Variants in SAMMSON observed in about 807,000 individuals in gnomAD.
SAMMSON encodes survival associated mitochondrial melanoma specific oncogenic non-coding RNA.
At chr3:70,039,076 A>T (rs2067096760) in intron 3 of SAMMSON, among the ~76,000 whole-genome samples, 1 of 152,154 alleles carries the variant, frequency 6.6e-6, no homozygotes, top group Non-Finnish European at 1.5e-5. Flanking sequence ...AGAAAGAAAC[A>T]GAACAGGAAA....
At chr3:70,040,186 T>A (rs2067101050) in intron 3 of SAMMSON, among the ~76,000 whole-genome samples, 1 of 152,074 alleles carries the variant, frequency 6.6e-6, no homozygotes, top group East Asian at 1.9e-4. Context: ...CTGAAAGATG[T>A]GTTGTGAAGA....
downstream of SAMMSON, among the ~76,000 whole-genome samples, chr3:70,390,555 G>C (rs1701036822): frequency 1.3e-5 from 2 of 152,054 alleles, no homozygotes; most frequent in South Asian, 2.1e-4. Flanking sequence ...GCAGGAGCAA[G>C]AGAGAAAGAG....
rs2067460533 is a variant in SAMMSON, at chr3:70,126,726, T to C, written n.507+55161T>C. 1.2e-5 allele frequency: 3 copies of C among 250,208 alleles called. No individual in the cohort carries two copies. The South Asian group carries it at 1.5e-4, about 12-fold the overall frequency. The allele number at this position is 250,208 out of a possible 1,614,324, so 15.5% of individuals were successfully genotyped here. A position where few individuals can be genotyped will look rare whatever the true frequency, so the allele number is the denominator to read the frequency against. On this transcript the variant is annotated intron_variant and non_coding_transcript_variant, in intron 4 of 9. Transcript: ENST00000642114. The stretch of plus-strand genomic sequence containing the variant: ...TTTTTGTTTTTGTTTTTGTTTTTTG[T>C]TTTTTTTGAGATGGAATCTTGCTCT...
chr3:70,241,195 T>A (rs6549302), intron 4 of SAMMSON, among the ~76,000 whole-genome samples: 150,475 of 152,258 alleles, frequency 0.99, 74,383 homozygotes, highest in East Asian at 1. Flanking sequence ...GCTAGAACGG[T>A]TCCTCATAAA....
At chr3:70,121,557 T>G (rs1361863143) in intron 4 of SAMMSON, among the ~76,000 whole-genome samples, 1 of 152,190 alleles carries the variant, frequency 6.6e-6, no homozygotes, top group Non-Finnish European at 1.5e-5. Context: ...AATAAAGACT[T>G]TCTTGGACTT....
At chr3:70,379,419 C>T (rs1302862130) in intron 9 of SAMMSON, among the ~76,000 whole-genome samples, 1 of 152,022 alleles carries the variant, frequency 6.6e-6, no homozygotes, top group Non-Finnish European at 1.5e-5. Flanking sequence ...TGAAAAGCAG[C>T]GCTCCTGGGA....
chr3:70,391,760 G>A (rs1179222283), downstream of SAMMSON, among the ~76,000 whole-genome samples: 1 of 152,022 alleles, frequency 6.6e-6, no homozygotes, highest in Non-Finnish European at 1.5e-5. Flanking sequence ...AAAAAGAATG[G>A]GAATTTAGTT....
intron 6 of SAMMSON, among the ~76,000 whole-genome samples, chr3:70,280,244 G>C (rs1209828025): frequency 6.6e-6 from 1 of 152,062 alleles, no homozygotes. Context: ...CCCTTAAAAA[G>C]ATGTTTGTGA....
intron 9 of SAMMSON, among the ~76,000 whole-genome samples, chr3:70,371,652 A>G (rs994635001): frequency 2.6e-5 from 4 of 152,032 alleles, no homozygotes; most frequent in African/African-American, 9.7e-5. Flanking sequence ...ATTGTTGTGT[A>G]GAAATGCTAT....
intron 4 of SAMMSON, among the ~76,000 whole-genome samples, chr3:70,100,367 C>T (rs773899285): frequency 1.3e-5 from 2 of 152,028 alleles, no homozygotes; most frequent in Admixed American, 6.6e-5. Flanking sequence ...AGGCTGGTCT[C>T]GAACTCTTGA....
rs543157063 is a variant in SAMMSON at position 70,403,717 on chromosome 3, C to G, written n.233+45393C>G. On this transcript the variant is annotated intron_variant and non_coding_transcript_variant, in intron 2 of 3. Transcript: ENST00000641053. ...CTTCATATAAATTGTTTTCTGACTC[C>G]TCCTGTATAGAAATCTTATAATAGG... is the stretch of plus-strand genomic sequence containing the variant. 9.9e-5 allele frequency among the ~76,000 whole-genome samples: 15 copies of G among 152,198 alleles called. No homozygotes were observed. In the East Asian group the frequency reaches 2.9e-3, roughly 29 times the overall value.
At chr3:70,286,774 C>A (rs1441764002) in intron 6 of SAMMSON, among the ~76,000 whole-genome samples, 1 of 152,160 alleles carries the variant, frequency 6.6e-6, no homozygotes, top group Non-Finnish European at 1.5e-5. Flanking sequence ...AGGTCCTTCA[C>A]ATCCCTTATA....
chr3:70,401,584 C>T (rs1701142784), intron 2 of SAMMSON, among the ~76,000 whole-genome samples: 1 of 149,396 alleles, frequency 6.7e-6, no homozygotes, highest in Non-Finnish European at 1.5e-5. Flanking sequence ...TCCAATACTA[C>T]TTTTTCCATA....
At chr3:70,270,035 C>T (rs1162895232) in intron 6 of SAMMSON, among the ~76,000 whole-genome samples, 1 of 152,092 alleles carries the variant, frequency 6.6e-6, no homozygotes, top group African/African-American at 2.4e-5. Context: ...TAAATAAATC[C>T]ATGAGTTTAT....
Position 70,119,088 on chromosome 3 carries a change from C to T in SAMMSON, n.507+47523C>T, listed in dbSNP as rs189258238. On this transcript the variant is annotated intron_variant and non_coding_transcript_variant, in intron 4 of 9. Transcript: ENST00000642114. ...TTATTTATTATTATTTTTTTTGAGA[C>T]GGAGTTTCGCTCTTGTTACCCAAGC... is the stretch of plus-strand genomic sequence containing the variant. Among the ~76,000 whole-genome samples, 32 of 151,912 alleles carry T rather than the reference C, an allele frequency of 2.1e-4. 1 individual carries two copies. Among genetic ancestry groups the T allele is most frequent in the Admixed American group, 1.7e-3 (26 of 15,264 alleles).
chr3:70,033,496 C>T (rs2067073548), intron 3 of SAMMSON, among the ~76,000 whole-genome samples: 2 of 151,984 alleles, frequency 1.3e-5, no homozygotes, highest in Non-Finnish European at 2.9e-5. Context: ...CCAGTGGGAC[C>T]TGAGAAGGGA....
At chr3:70,160,949 A>G (rs2067612258) in intron 4 of SAMMSON, among the ~76,000 whole-genome samples, 1 of 152,070 alleles carries the variant, frequency 6.6e-6, no homozygotes, top group Admixed American at 6.6e-5. Flanking sequence ...ATTGTGAAAC[A>G]TATTCTCAAT....
intron 4 of SAMMSON, among the ~76,000 whole-genome samples, chr3:70,213,233 G>A (rs1701367833): frequency 6.6e-6 from 1 of 152,058 alleles, no homozygotes; most frequent in African/African-American, 2.4e-5. Context: ...TCAGCCTCCT[G>A]AGTAGATCTT....
At chr3:70,163,290 T>A (rs776077576) in intron 4 of SAMMSON, among the ~76,000 whole-genome samples, 3 of 150,444 alleles carry the variant, frequency 2.0e-5, no homozygotes, top group Non-Finnish European at 4.4e-5. Flanking sequence ...ATTTCTTTAT[T>A]TTCTGACATA....
Sources: gnomAD v4.1 joint callset for allele counts (sites outside exome capture counted in the v4.1 genomes callset) on GRCh38, gnomAD v4.1.1 for gene constraint, MANE v1.5 for transcripts, NCBI Gene and HGNC (gene_info 2026-07-23, HGNC 2026-07-21) for gene names.